Variants in NETO1 observed in about 807,000 individuals in gnomAD.
NETO1 encodes the protein neuropilin and tolloid-like protein 1.
Under a neutral mutation model 61.3 loss-of-function variants are expected in NETO1, and 26 were observed. That is an observed-to-expected ratio of 0.42 (90% confidence interval 0.31 to 0.59). The LOEUF is 0.59. Ranked by LOEUF, NETO1 falls within the 20% of genes least tolerant of loss-of-function variation. The probability of loss-of-function intolerance (pLI) is 0.12; values close to 1 mark genes in which losing one functional copy is unlikely to be tolerated. For synonymous variants in NETO1, 225 were observed against 225.8 expected (o/e 1.00, Z 0.03); for missense variants, 531 against 662.8 (o/e 0.80, Z 2.18).
intron 4 of NETO1, among the ~76,000 whole-genome samples, chr18:72,796,530 G>A (rs912327808): frequency 4.6e-5 from 7 of 152,138 alleles, no homozygotes; most frequent in African/African-American, 1.4e-4. Flanking sequence ...CGCCCAGGCT[G>A]GAGCGCAGTG....
At chr18:72,819,047 A>G (rs2073110279) in intron 4 of NETO1, among the ~76,000 whole-genome samples, 1 of 152,170 alleles carries the variant, frequency 6.6e-6, no homozygotes, top group African/African-American at 2.4e-5. Context: ...TTATTTTTTT[A>G]ATCTAACATT....
chr18:72,831,864 T>C (rs543506395), intron 4 of NETO1, among the ~76,000 whole-genome samples: 34 of 152,346 alleles, frequency 2.2e-4, no homozygotes, highest in African/African-American at 6.3e-4. Context: ...TGTAGTCATA[T>C]AGTTTAGAAC....
chr18:72,797,250 T>C (rs1275175189), intron 4 of NETO1, among the ~76,000 whole-genome samples: 1 of 152,206 alleles, frequency 6.6e-6, no homozygotes, highest in African/African-American at 2.4e-5. Context: ...AGGCTAACAT[T>C]TGTCATTTTT....
At chr18:72,753,348 T>C (rs1022957661) in intron 8 of NETO1, among the ~76,000 whole-genome samples, 1 of 150,658 alleles carries the variant, frequency 6.6e-6, no homozygotes, top group Non-Finnish European at 1.5e-5. Flanking sequence ...GGCAACATGA[T>C]GACACATGCA....
intron 8 of NETO1, 38 bp downstream of exon 8, chr18:72,755,992 CAGGG>C: frequency 9.3e-7 from 1 of 1,073,230 alleles, no homozygotes; most frequent in East Asian, 2.4e-5. Flanking sequence ...CCCCACTCCA[CAGGG>C]AGGAAATTTT....
chr18:72,860,170 T>C (rs1050696330), intron 3 of NETO1, among the ~76,000 whole-genome samples: 1 of 152,200 alleles, frequency 6.6e-6, no homozygotes, highest in African/African-American at 2.4e-5. Flanking sequence ...TGCTGAAATG[T>C]CAACATATAT....
intron 4 of NETO1, among the ~76,000 whole-genome samples, chr18:72,806,425 A>G (rs2072677260): frequency 6.6e-6 from 1 of 152,024 alleles, no homozygotes; most frequent in South Asian, 2.1e-4. Context: ...TCTAAATCTA[A>G]TTCTCCACCT....
At chr18:72,816,838 G>A (rs931334424) in intron 4 of NETO1, among the ~76,000 whole-genome samples, 12 of 152,140 alleles carry the variant, frequency 7.9e-5, no homozygotes, top group Non-Finnish European at 1.5e-4. Context: ...CAGTTGAAGA[G>A]CTGCACCAAT....
chr18:72,781,086 C>T (rs1255992257), intron 7 of NETO1, among the ~76,000 whole-genome samples: 1 of 152,022 alleles, frequency 6.6e-6, no homozygotes, highest in African/African-American at 2.4e-5. Flanking sequence ...ATCAGGGTTC[C>T]TCTATGTTAT....
At chr18:72,750,708 AAAACTT>A in intron 8 of NETO1, 88 bp from the exon 9 acceptor site, 1 of 944,896 alleles carries the variant, frequency 1.1e-6, no homozygotes, top group Non-Finnish European at 1.5e-6. Flanking sequence ...ATGTGTATTA[AAAACTT>A]AAAGTAAAGC....
chr18:72,753,688 C>A (rs1849359554), intron 8 of NETO1, among the ~76,000 whole-genome samples: 3 of 152,140 alleles, frequency 2.0e-5, no homozygotes, highest in African/African-American at 7.2e-5. Flanking sequence ...AGAGTGGCAT[C>A]TTTCTTCTGC....
chr18:72,808,452 TGTGG>T (rs1226391238), intron 4 of NETO1, among the ~76,000 whole-genome samples: 34 of 150,362 alleles, frequency 2.3e-4, no homozygotes, highest in African/African-American at 8.1e-4. Context: ...TGTGTGTGTG[TGTGG>T]AGTGTGTGTG....
intron 7 of NETO1, among the ~76,000 whole-genome samples, chr18:72,779,185 A>C (rs2071655892): frequency 6.6e-6 from 1 of 152,106 alleles, no homozygotes; most frequent in South Asian, 2.1e-4. Context: ...TGGGTGTATG[A>C]ATGGAGTAAA....
chr18:72,821,933 G>A (rs1025728820), intron 4 of NETO1, among the ~76,000 whole-genome samples: 9 of 152,180 alleles, frequency 5.9e-5, no homozygotes, highest in African/African-American at 1.9e-4. Context: ...TTACAGACTT[G>A]GCTTTTTGTT....
chr18:72,745,191 T>C lies in NETO1; in HGVS notation c.*2988A>G, dbSNP rs951940020. The C allele has an allele frequency of 6.6e-6, 1 of 152,222 alleles. No homozygotes were observed. Among genetic ancestry groups the C allele is most frequent in the African/African-American group, 2.4e-5 (1 of 41,458 alleles). 9.4% of individuals were successfully genotyped at this position (152,222 alleles called of 1,614,324 possible). A position where few individuals can be genotyped will look rare whatever the true frequency, so the allele number is the denominator to read the frequency against. ...TACAAAATCAAATTCAAGTTAATTA[T>C]GGCAAATCAAACACCACCTATGTCT... On this transcript the variant is annotated 3_prime_UTR_variant, in exon 11 of 11. Transcript: ENST00000327305.
At chr18:72,772,813 CTCTCTCTCTCTCTATATATATATA>C (rs2071408101) in intron 7 of NETO1, among the ~76,000 whole-genome samples, 3 of 53,604 alleles carry the variant, frequency 5.6e-5, no homozygotes, top group African/African-American at 2.0e-4. Flanking sequence ...CTCTCTCTCT[CTCTCTCTCTCTCTATATATATATA>C]TATATATATA....
intron 4 of NETO1, among the ~76,000 whole-genome samples, chr18:72,826,808 G>A (rs894965883): frequency 2.0e-5 from 3 of 152,096 alleles, no homozygotes; most frequent in African/African-American, 2.4e-5. Context: ...TATTTGCAAT[G>A]GGCCCTATTG....
chr18:72,867,174 C>G (rs1421430449), intron 1 of NETO1, 90 bp downstream of exon 1: 4 of 992,458 alleles, frequency 4.0e-6, no homozygotes, highest in African/African-American at 1.7e-5. Flanking sequence ...CGGAGCGCGG[C>G]GCAGAGGCTT....
intron 6 of NETO1, among the ~76,000 whole-genome samples, chr18:72,793,533 T>G (rs369675555): frequency 1.6e-4 from 24 of 152,258 alleles, no homozygotes; most frequent in East Asian, 5.8e-4. Context: ...TTTTGGCAAG[T>G]TATGAGAAAT....
Sources: allele counts gnomAD v4.1 joint callset (sites outside exome capture counted in the v4.1 genomes callset), GRCh38; gene constraint gnomAD v4.1.1; transcripts MANE v1.5; gene names NCBI Gene and HGNC (gene_info 2026-07-23, HGNC 2026-07-21).